The following THSD7B variants were observed in gnomAD, a reference collection of about 807,000 sequenced individuals.
THSD7B encodes thrombospondin type-1 domain-containing protein 7B.
THSD7B carries 138 observed loss-of-function variants against 213.6 expected under a neutral mutation model. The ratio of observed to expected loss-of-function variants is 0.65; its 90% confidence interval spans 0.56 to 0.74. THSD7B has a LOEUF of 0.74. Ranked by LOEUF, THSD7B falls within the 30% of genes least tolerant of loss-of-function variation. The pLI, the probability that THSD7B is intolerant of heterozygous loss-of-function variation, is 0.00. For synonymous variants in THSD7B, 742 were observed against 687.0 expected (o/e 1.08, Z -1.25); for missense variants, 1,931 against 1,991.5 (o/e 0.97, Z 0.58).
intron 1 of THSD7B, among the ~76,000 whole-genome samples, chr2:136,784,671 G>T (rs563674718): frequency 4.6e-5 from 7 of 152,180 alleles, no homozygotes; most frequent in African/African-American, 1.7e-4. Flanking sequence ...AGCTTCAAAG[G>T]TGTTATATAC....
At chr2:137,181,898 T>A (rs1680463030) in intron 7 of THSD7B, among the ~76,000 whole-genome samples, 1 of 152,162 alleles carries the variant, frequency 6.6e-6, no homozygotes, top group African/African-American at 2.4e-5. Context: ...TTATGTTTAA[T>A]TACATAAATG....
intron 2 of THSD7B, among the ~76,000 whole-genome samples, chr2:136,914,154 A>C (rs1282898106): frequency 6.6e-6 from 1 of 152,138 alleles, no homozygotes; most frequent in African/African-American, 2.4e-5. Flanking sequence ...ATCATTTTGG[A>C]GCTTCAAAAT....
At chr2:137,312,992 G>A (rs1446493689) in intron 12 of THSD7B, among the ~76,000 whole-genome samples, 8 of 149,724 alleles carry the variant, frequency 5.3e-5, no homozygotes, top group Non-Finnish European at 8.9e-5. Flanking sequence ...TGTTGATTTG[G>A]GGTGGAGAGT....
At chr2:137,626,779 T>C (rs1029018870) in intron 20 of THSD7B, among the ~76,000 whole-genome samples, 1 of 152,232 alleles carries the variant, frequency 6.6e-6, no homozygotes, top group African/African-American at 2.4e-5. Context: ...TTTTAAGTTC[T>C]ATATTCCACA....
chr2:137,605,025 T>C (rs1280949245), intron 17 of THSD7B, among the ~76,000 whole-genome samples: 1 of 152,212 alleles, frequency 6.6e-6, no homozygotes, highest in African/African-American at 2.4e-5. Context: ...TTTGGGTATT[T>C]TGACCTTCAA....
chr2:136,862,212 G>T (rs1274753082), intron 1 of THSD7B, among the ~76,000 whole-genome samples: 1 of 152,166 alleles, frequency 6.6e-6, no homozygotes, highest in African/African-American at 2.4e-5. Context: ...AGTCCATCTT[G>T]GAGCTGGCTG....
intron 15 of THSD7B, among the ~76,000 whole-genome samples, chr2:137,483,765 GA>G (rs1368433542): frequency 1.2e-4 from 19 of 152,252 alleles, no homozygotes; most frequent in Middle Eastern, 3.4e-3. Context: ...CAAAGACCCA[GA>G]AGCCCCCGCT....
chr2:137,381,752 T>A (rs951911417), intron 12 of THSD7B, among the ~76,000 whole-genome samples: 4 of 152,180 alleles, frequency 2.6e-5, no homozygotes, highest in African/African-American at 9.6e-5. Context: ...TGGAGACAGT[T>A]GTCTTTGGAA....
At chr2:137,292,183 A>G (rs1440278814) in intron 12 of THSD7B, among the ~76,000 whole-genome samples, 1 of 152,162 alleles carries the variant, frequency 6.6e-6, no homozygotes, top group Admixed American at 6.5e-5. Flanking sequence ...TCCCATACAA[A>G]TAATATTTCT....
chr2:137,003,925 A>G (rs1180871789), intron 2 of THSD7B, among the ~76,000 whole-genome samples: 5 of 152,092 alleles, frequency 3.3e-5, no homozygotes, highest in Admixed American at 3.3e-4. Context: ...TTTCTATACT[A>G]TGTTACTTTT....
intron 16 of THSD7B, among the ~76,000 whole-genome samples, chr2:137,567,600 G>A (rs182378063): frequency 6.6e-6 from 1 of 152,198 alleles, no homozygotes; most frequent in East Asian, 1.9e-4. Flanking sequence ...AGTCAAATTT[G>A]GAATATATTC....
chr2:137,210,833 GA>G (rs1681088193), intron 7 of THSD7B, among the ~76,000 whole-genome samples: 1 of 151,852 alleles, frequency 6.6e-6, no homozygotes, highest in Non-Finnish European at 1.5e-5. Flanking sequence ...AGTTATTTCA[GA>G]AGATAGAATT....
chr2:137,550,297 T>C (rs1283400661), intron 15 of THSD7B, among the ~76,000 whole-genome samples: 1 of 152,110 alleles, frequency 6.6e-6, no homozygotes, highest in African/African-American at 2.4e-5. Context: ...AGTACTTGCC[T>C]GGTAGAATAT....
intron 15 of THSD7B, among the ~76,000 whole-genome samples, chr2:137,550,318 A>C (rs1009631429): frequency 1.3e-5 from 2 of 152,026 alleles, no homozygotes; most frequent in African/African-American, 2.4e-5. Context: ...CATGCGCTTT[A>C]TAGGATCTGC....
At chr2:137,022,444 A>G (rs1268226155) in intron 2 of THSD7B, among the ~76,000 whole-genome samples, 2 of 152,176 alleles carry the variant, frequency 1.3e-5, no homozygotes, top group South Asian at 2.1e-4. Flanking sequence ...AAAGCCACAC[A>G]GAAGTCAAGT....
intron 12 of THSD7B, among the ~76,000 whole-genome samples, chr2:137,385,832 T>G (rs1293173443): frequency 1.3e-5 from 2 of 152,238 alleles, no homozygotes; most frequent in African/African-American, 4.8e-5. Context: ...AAAGTCATTA[T>G]GAAGGTGTAT....
At chr2:137,230,442 A>T (rs374828477) in intron 7 of THSD7B, among the ~76,000 whole-genome samples, 24 of 152,192 alleles carry the variant, frequency 1.6e-4, no homozygotes, top group Middle Eastern at 3.4e-3. Flanking sequence ...TTCAAGGGGG[A>T]ATATTAAATG....
intron 12 of THSD7B, among the ~76,000 whole-genome samples, chr2:137,388,657 A>C (rs975733486): frequency 6.6e-6 from 1 of 151,908 alleles, no homozygotes; most frequent in Non-Finnish European, 1.5e-5. Context: ...ACCTCTCTTC[A>C]TCCTCCTCAC....
At chr2:137,321,996 C>T (rs1684272962) in intron 12 of THSD7B, among the ~76,000 whole-genome samples, 1 of 152,168 alleles carries the variant, frequency 6.6e-6, no homozygotes, top group Admixed American at 6.5e-5. Context: ...TTAGGCACTC[C>T]AAGACTCTGC....
Sources: gnomAD v4.1 joint callset for allele counts (sites outside exome capture counted in the v4.1 genomes callset) on GRCh38, gnomAD v4.1.1 for gene constraint, MANE v1.5 for transcripts, NCBI Gene and HGNC (gene_info 2026-07-23, HGNC 2026-07-21) for gene names.